ROBO1: variants seen among roughly 807,000 people sequenced by gnomAD.
The protein encoded by ROBO1 is roundabout homolog 1.
A neutral mutation model predicts 195.9 loss-of-function variants in ROBO1; 149 were observed. That is an observed-to-expected ratio of 0.76 (90% confidence interval 0.67 to 0.87). The LOEUF (loss-of-function observed/expected upper bound fraction) is 0.87, where lower values mean the gene tolerates loss of function less well. Among genes scored for constraint, ROBO1 ranks in the 40% least tolerant of loss-of-function variants. The pLI, the probability that ROBO1 is intolerant of heterozygous loss-of-function variation, is 0.00. For missense variants in ROBO1, 1,933 were observed against 2,068.3 expected, an observed-to-expected ratio of 0.93 and a Z score of 1.27; for synonymous variants, 816 against 733.2, an observed-to-expected ratio of 1.11 and a Z score of -1.82.
intron 2 of ROBO1, among the ~76,000 whole-genome samples, chr3:79,448,805 G>T (rs1478165897): frequency 6.6e-6 from 1 of 152,262 alleles, no homozygotes; most frequent in Non-Finnish European, 1.5e-5. Context: ...CTGAGAAATT[G>T]TGTTATTGTA....
intron 1 of ROBO1, among the ~76,000 whole-genome samples, chr3:79,693,634 G>A (rs1289710671): frequency 2.6e-5 from 4 of 151,366 alleles, no homozygotes; most frequent in South Asian, 2.1e-4. Context: ...ATTGAATCTC[G>A]GTAATGTGGC....
At chr3:78,832,705 C>T (rs956602968) in intron 4 of ROBO1, among the ~76,000 whole-genome samples, 12 of 151,934 alleles carry the variant, frequency 7.9e-5, no homozygotes, top group African/African-American at 2.2e-4. Flanking sequence ...TGATATCTAA[C>T]GAGGTTAGGC....
chr3:78,693,149 C>T (rs774783672), intron 8 of ROBO1: 20 of 580,740 alleles, frequency 3.4e-5, no homozygotes, highest in African/African-American at 5.7e-5. Flanking sequence ...TTAGCAACCC[C>T]GTTACCTTTA....
intron 3 of ROBO1, among the ~76,000 whole-genome samples, chr3:79,008,459 A>C (rs1298068269): frequency 6.6e-6 from 1 of 152,124 alleles, no homozygotes; most frequent in Admixed American, 6.5e-5. Context: ...ATGAATGGCA[A>C]ACTGCTAAGC....
At chr3:78,960,779 AACACACACACACACACACACACAC>A (rs751349324) in intron 3 of ROBO1, among the ~76,000 whole-genome samples, 13 of 124,514 alleles carry the variant, frequency 1.0e-4, no homozygotes, top group Admixed American at 4.2e-4. Context: ...TCCGTATTAA[AACACACACACACACACACACACAC>A]ACACACACAC....
At chr3:78,754,959 C>T (rs1376591509) in intron 4 of ROBO1, among the ~76,000 whole-genome samples, 2 of 151,942 alleles carry the variant, frequency 1.3e-5, no homozygotes, top group Non-Finnish European at 2.9e-5. Flanking sequence ...CCTTGGATGC[C>T]GTGTAGTGGT....
chr3:78,870,135 T>C (rs1257677071), intron 4 of ROBO1, among the ~76,000 whole-genome samples: 1 of 152,208 alleles, frequency 6.6e-6, no homozygotes, highest in East Asian at 1.9e-4. Context: ...CATTTTTGTC[T>C]TTCATTTGTA....
chr3:79,759,354 G>A (rs1028528746), intron 1 of ROBO1, among the ~76,000 whole-genome samples: 12 of 152,098 alleles, frequency 7.9e-5, no homozygotes, highest in African/African-American at 2.9e-4. Flanking sequence ...GAAGCTGTTG[G>A]CTGTTGTGCT....
Position 78,865,064 on chromosome 3 carries a change from T to C in ROBO1, c.499+73537A>G, listed in dbSNP as rs2035085557. Among the ~76,000 whole-genome samples the C allele has an allele frequency of 2.6e-5, 4 of 152,178 alleles. No individual in the cohort carries two copies. The South Asian group carries it at 8.3e-4, about 32-fold the overall frequency. On this transcript the variant is annotated intron_variant, in intron 4 of 30. Transcript: ENST00000464233. ...TTTCAAATGTGATACATTATTTGAA[T>C]TGGACTGGTGATACTACACAACTAT...
intron 5 of ROBO1, among the ~76,000 whole-genome samples, chr3:78,740,478 CTTTT>C (rs1553716533): frequency 1.3e-5 from 1 of 78,378 alleles, no homozygotes; most frequent in Admixed American, 1.2e-4. Context: ...TTCTTTCTTT[CTTTT>C]TTTTTTGAAA....
chr3:78,731,983 A>G (rs1163645724), intron 5 of ROBO1, among the ~76,000 whole-genome samples: 1 of 152,130 alleles, frequency 6.6e-6, no homozygotes, highest in East Asian at 1.9e-4. Context: ...CACCAGCTAT[A>G]TACATAGCAT....
At chr3:79,173,409 G>A (rs2081202883) in intron 2 of ROBO1, among the ~76,000 whole-genome samples, 1 of 151,778 alleles carries the variant, frequency 6.6e-6, no homozygotes, top group Non-Finnish European at 1.5e-5. Context: ...GTGGGTGTGG[G>A]CTCGGCGGGC....
intron 2 of ROBO1, among the ~76,000 whole-genome samples, chr3:79,451,472 T>C (rs1466745545): frequency 6.6e-6 from 1 of 152,146 alleles, no homozygotes; most frequent in Non-Finnish European, 1.5e-5. Flanking sequence ...GAACTGCTAA[T>C]AGGAGTGTAG....
chr3:79,476,489 C>A (rs1360054578), intron 2 of ROBO1, among the ~76,000 whole-genome samples: 3 of 151,898 alleles, frequency 2.0e-5, no homozygotes, highest in Non-Finnish European at 4.4e-5. Context: ...TTCACAATTG[C>A]AAAAATACAG....
At chr3:78,851,614 A>C in intron 4 of ROBO1, among the ~76,000 whole-genome samples, 1 of 152,350 alleles carries the variant, frequency 6.6e-6, no homozygotes, top group South Asian at 2.1e-4. Flanking sequence ...TCTCACAGAT[A>C]AACTATAAAA....
At chr3:79,292,361 G>A (rs1002069409) in intron 2 of ROBO1, among the ~76,000 whole-genome samples, 6 of 152,062 alleles carry the variant, frequency 3.9e-5, no homozygotes, top group South Asian at 2.1e-4. Flanking sequence ...ATTTGAATAC[G>A]CTTTATTTCT....
At chr3:79,183,973 A>G (rs1455834990) in intron 2 of ROBO1, among the ~76,000 whole-genome samples, 1 of 152,182 alleles carries the variant, frequency 6.6e-6, no homozygotes, top group Non-Finnish European at 1.5e-5. Context: ...TTATTCAATT[A>G]TTATTATTAA....
At chr3:79,760,280 G>GAAA (rs1704625615) in intron 1 of ROBO1, among the ~76,000 whole-genome samples, 1 of 57,002 alleles carries the variant, frequency 1.8e-5, no homozygotes, top group Admixed American at 1.9e-4. Context: ...AAGCACAAGT[G>GAAA]AAAAATTTTC....
intron 4 of ROBO1, among the ~76,000 whole-genome samples, chr3:78,841,382 G>A (rs1392472276): frequency 1.3e-5 from 2 of 152,094 alleles, no homozygotes; most frequent in African/African-American, 4.8e-5. Context: ...GTCAAATGTT[G>A]GGGCTGAGTC....
Sources: allele counts gnomAD v4.1 joint callset (sites outside exome capture counted in the v4.1 genomes callset), GRCh38; gene constraint gnomAD v4.1.1; transcripts MANE v1.5; gene names NCBI Gene and HGNC (gene_info 2026-07-23, HGNC 2026-07-21).